Variants in ZFHX4 observed in about 807,000 individuals in gnomAD.
The protein encoded by ZFHX4 is zinc finger homeobox protein 4.
A neutral mutation model predicts 267.6 loss-of-function variants in ZFHX4; 56 were observed. The observed-to-expected ratio is 0.21, with a 90% CI of 0.17 to 0.26. ZFHX4 has a LOEUF of 0.26. Ranked by LOEUF, ZFHX4 falls within the 10% of genes least tolerant of loss-of-function variation. ZFHX4 has a pLI of 1.00. For synonymous variants in ZFHX4, 1,778 were observed against 1,665.6 expected (o/e 1.07, Z -1.64); for missense variants, 4,332 against 4,420.0 (o/e 0.98, Z 0.56).
chr8:76,771,290 T>C (rs762179066), intron 3 of ZFHX4, among the ~76,000 whole-genome samples: 5 of 152,216 alleles, frequency 3.3e-5, no homozygotes, highest in African/African-American at 4.8e-5. Flanking sequence ...CTTCCCTTCA[T>C]GGATTTAGGC....
intron 1 of ZFHX4, 138 bp downstream of exon 1, chr8:76,681,758 C>G (rs1362134560): frequency 9.4e-6 from 3 of 320,012 alleles, no homozygotes; most frequent in Non-Finnish European, 1.7e-5. Context: ...TTCCTCTCTA[C>G]CCCTACCTCG....
intron 3 of ZFHX4, among the ~76,000 whole-genome samples, chr8:76,746,609 T>C (rs1809466040): frequency 1.3e-5 from 2 of 152,228 alleles, no homozygotes; most frequent in African/African-American, 4.8e-5. Flanking sequence ...ACACTCTTGG[T>C]ATTTTTTTCT....
At chr8:76,711,831 G>A (rs1416629149) in intron 3 of ZFHX4, among the ~76,000 whole-genome samples, 4 of 152,156 alleles carry the variant, frequency 2.6e-5, no homozygotes, top group East Asian at 1.9e-4. Flanking sequence ...CAATATTTCA[G>A]ATTTACAGTT....
chr8:76,755,179 A>C (rs1809730516), intron 3 of ZFHX4, among the ~76,000 whole-genome samples: 1 of 151,858 alleles, frequency 6.6e-6, no homozygotes, highest in Non-Finnish European at 1.5e-5. Flanking sequence ...TTTTTCATTG[A>C]GTTATTTGTC....
intron 4 of ZFHX4, among the ~76,000 whole-genome samples, chr8:76,810,894 C>T (rs1811360050): frequency 6.6e-6 from 1 of 152,014 alleles, no homozygotes; most frequent in Non-Finnish European, 1.5e-5. Flanking sequence ...AAAAATGTTT[C>T]CTTCCTTCCT....
At chr8:76,749,708 G>A (rs1809564107) in intron 3 of ZFHX4, among the ~76,000 whole-genome samples, 1 of 152,064 alleles carries the variant, frequency 6.6e-6, no homozygotes, top group South Asian at 2.1e-4. Flanking sequence ...AACACATCAT[G>A]CTACAAAATT....
chr8:76,766,825 T>G (rs1170513549), intron 3 of ZFHX4, among the ~76,000 whole-genome samples: 2 of 150,560 alleles, frequency 1.3e-5, no homozygotes, highest in Non-Finnish European at 2.9e-5. Flanking sequence ...ACTTTTCAAT[T>G]ACTATTTAAA....
intron 10 of ZFHX4, 34 bp from the exon 11 acceptor site, chr8:76,863,060 T>C: frequency 6.7e-7 from 1 of 1,482,574 alleles, no homozygotes; most frequent in Non-Finnish European, 9.0e-7. Context: ...GGTCTGTACA[T>C]TGACAGTGGC....
chr8:76,683,127 C>G (rs555578110), intron 1 of ZFHX4: 2 of 152,214 alleles, frequency 1.3e-5, no homozygotes, highest in South Asian at 4.2e-4. Flanking sequence ...CTGCGGGCGC[C>G]TTTGGCCGCG....
intron 1 of ZFHX4, among the ~76,000 whole-genome samples, chr8:76,691,790 T>C (rs1460714166): frequency 6.6e-6 from 1 of 152,076 alleles, no homozygotes; most frequent in Non-Finnish European, 1.5e-5. Flanking sequence ...AAATAAGTGA[T>C]TGTGGGCAGG....
intron 3 of ZFHX4, among the ~76,000 whole-genome samples, chr8:76,749,026 TG>T (rs1172788561): frequency 2.0e-5 from 3 of 152,116 alleles, no homozygotes; most frequent in African/African-American, 7.2e-5. Context: ...ACAATCCAGG[TG>T]GGGAAAAAAC....
In ZFHX4 at chr8:76,778,437, T is replaced by C. The variant is rs777703156; in HGVS notation, c.3323T>C (p.Leu1108Pro). The change falls in exon 4 of 11, where the codon CTT (leucine) becomes CCT (proline). Residue 1108 changes from leucine (L) to proline (P), a missense_variant and splice_region_variant. This residue lies in a region of ZFHX4 where 1,371 missense variants were observed against 1,423.1 expected (regional missense o/e 0.96). Transcript: ENST00000651372. ...FFVKDCPPNE[L>P]ETASLGARTC... is the part of the protein sequence containing the mutation. ...GTTAAAGATTGCCCACCAAATGAGC[T>C]TGGTGAGTAACCCTGAAGAGGGCTG... 1.7e-5 allele frequency: 28 copies of C among 1,613,096 alleles called. No individual in the cohort carries two copies. Among genetic ancestry groups the C allele is most frequent in the Non-Finnish European group, 2.4e-5 (28 of 1,179,668 alleles).
chr8:76,855,764 T>G lies in ZFHX4; in HGVS notation c.8843T>G (p.Phe2948Cys). 6.2e-7 allele frequency: 1 copy of G among 1,613,966 alleles called. No individual in the cohort carries two copies. Among genetic ancestry groups the G allele is most frequent in the Non-Finnish European group, 8.5e-7 (1 of 1,179,872 alleles). Reference protein sequence around the residue: ...NLQLKVLKACFSDYRTPTMQE... With the variant: ...NLQLKVLKACCSDYRTPTMQE... ...CAACTCAAGGTTCTCAAGGCTTGCT[T>G]TAGTGACTACCGAACTCCAACCATG... The change falls in exon 10 of 11, where the codon TTT (phenylalanine) becomes TGT (cysteine). Residue 2948 changes from phenylalanine to cysteine, a missense_variant. Transcript: ENST00000651372.
intron 3 of ZFHX4, among the ~76,000 whole-genome samples, chr8:76,730,088 T>C (rs183304988): frequency 2.6e-5 from 4 of 152,144 alleles, no homozygotes; most frequent in Non-Finnish European, 5.9e-5. Flanking sequence ...TCTGGAATAA[T>C]TGAATTAAAA....
intron 1 of ZFHX4, among the ~76,000 whole-genome samples, chr8:76,700,810 T>G (rs1219278366): frequency 6.6e-6 from 1 of 152,148 alleles, no homozygotes; most frequent in East Asian, 1.9e-4. Flanking sequence ...TCGGGATTTC[T>G]TGAGGACTTT....
In ZFHX4 at chr8:76,738,503, C is replaced by T. The variant is rs556637106; in HGVS notation, c.3093+30455C>T. ...ACTTTCATCACTGAACCAAAGCCAC[C>T]GATTTGCTTAATTTAGAATATTCAT... On this transcript the variant is annotated intron_variant, in intron 3 of 10. Transcript: ENST00000651372. Among the ~76,000 whole-genome samples, 4 of 152,238 alleles carry T rather than the reference C, an allele frequency of 2.6e-5. No individual in the cohort carries two copies. In the South Asian group the frequency reaches 8.3e-4, roughly 32 times the overall value.
At chr8:76,800,711 G>A (rs1197565259) in intron 4 of ZFHX4, among the ~76,000 whole-genome samples, 3 of 152,236 alleles carry the variant, frequency 2.0e-5, no homozygotes, top group East Asian at 1.9e-4. Context: ...CAGACTTCAC[G>A]CTTAATAAGA....
chr8:76,772,003 G>C (rs936090415), intron 3 of ZFHX4, among the ~76,000 whole-genome samples: 2 of 152,092 alleles, frequency 1.3e-5, no homozygotes, highest in Non-Finnish European at 2.9e-5. Context: ...ATAGGGGTTT[G>C]CCTGACTTCA....
At chr8:76,809,815 T>A (rs1263038561) in intron 4 of ZFHX4, among the ~76,000 whole-genome samples, 1 of 152,142 alleles carries the variant, frequency 6.6e-6, no homozygotes, top group African/African-American at 2.4e-5. Flanking sequence ...TAATAGAATT[T>A]GTGTGATTAG....
Sources: gnomAD v4.1 joint callset for allele counts (sites outside exome capture counted in the v4.1 genomes callset) on GRCh38, gnomAD v4.1.1 for gene constraint, gnomAD v4.1.1 regional missense constraint, MANE v1.5 for transcripts, NCBI Gene and HGNC (gene_info 2026-07-23, HGNC 2026-07-21) for gene names.